The following USP13 variants were observed in gnomAD, a reference collection of about 807,000 sequenced individuals.
USP13 encodes the protein ubiquitin carboxyl-terminal hydrolase 13.
USP13 carries 68 observed loss-of-function variants against 107.8 expected under a neutral mutation model. The observed-to-expected ratio is 0.63, with a 90% CI of 0.52 to 0.77. USP13 has a LOEUF of 0.77. USP13 is among the 30% of genes least tolerant of loss of function. USP13 has a pLI of 0.00. For missense variants in USP13, 945 were observed against 1,093.3 expected, an observed-to-expected ratio of 0.86 and a Z score of 1.91; for synonymous variants, 377 against 389.5, an observed-to-expected ratio of 0.97 and a Z score of 0.38.
At position 179,715,835 on chromosome 3, in the gene USP13, G is replaced by A. The variant is rs557076012; in HGVS notation, c.806-4105G>A. ...AATCTCTCTTCATTTTCTCCTCTCC[G>A]ATTTATTACTTGGTGTTTGACCAGG... On this transcript the variant is annotated intron_variant, in intron 6 of 20. Coordinates refer to ENST00000263966, the MANE Select transcript of USP13 (RefSeq NM_003940.3). 2.0e-5 allele frequency among the ~76,000 whole-genome samples: 3 copies of A among 152,294 alleles called. No homozygotes were observed. The East Asian group carries it at 5.8e-4, about 29-fold the overall frequency.
chr3:179,772,829 G>A (rs747448078), intron 19 of USP13, among the ~76,000 whole-genome samples: 14 of 152,156 alleles, frequency 9.2e-5, no homozygotes, highest in Non-Finnish European at 1.5e-4. Flanking sequence ...AGCTGGCTAG[G>A]GTTGGGGGAA....
rs191271209 is a variant in USP13, at chr3:179,690,369, C to T, written c.355+68C>T. The T allele has an allele frequency of 1.7e-5, 24 of 1,371,692 alleles. No individual in the cohort carries two copies. The African/African-American group carries it at 3.3e-4, about 19-fold the overall frequency. The allele number at this position is 1,371,692 out of a possible 1,614,324, so 85.0% of individuals were successfully genotyped here. ...GTGTGTATATGTGCATACTCATGTG[C>T]ATCTTTGATTTAGAGTAATAGGTTG... On this transcript the variant is annotated intron_variant, in intron 3 of 20. Transcript: ENST00000263966.
At position 179,653,160 on chromosome 3, in the gene USP13, C is replaced by A; in HGVS notation, c.-66C>A. 1.8e-6 allele frequency: 2 copies of A among 1,092,574 alleles called. No homozygotes were observed. Among genetic ancestry groups the A allele is most frequent in the South Asian group, 4.3e-5 (1 of 23,098 alleles). 67.7% of individuals were successfully genotyped at this position (1,092,574 alleles called of 1,614,324 possible). ...CCGTCAGCCCGCTCGCTGGCGCCGC[C>A]GCCGCCGGCAGACCCCGCGCTCCGG... is the stretch of plus-strand genomic sequence containing the variant. On this transcript the variant is annotated 5_prime_UTR_variant, in exon 1 of 21. Coordinates refer to ENST00000263966, the MANE Select transcript of USP13 (RefSeq NM_003940.3). The surrounding 1 kb of genome is among the most constrained non-coding windows in gnomAD (Gnocchi z 4.0).
rs1365095386 is a variant in USP13, at chr3:179,721,036, T to C, written c.901-366T>C. ...GTTGCTCAGGTGGGTCTCGAACTCC[T>C]GACTTCAGGTGATCTGCCCACCTCA... On this transcript the variant is annotated intron_variant, in intron 7 of 20. Transcript: ENST00000263966. The surrounding 1 kb of genome is among the most constrained non-coding windows in gnomAD (Gnocchi z 4.3). 6.6e-6 allele frequency among the ~76,000 whole-genome samples: 1 copy of C among 152,176 alleles called. No individual in the cohort carries two copies. Among genetic ancestry groups the C allele is most frequent in the Non-Finnish European group, 1.5e-5 (1 of 68,034 alleles).
rs1410150425 is a variant in USP13, at chr3:179,785,728, A to C, written c.*1587A>C. On this transcript the variant is annotated 3_prime_UTR_variant, in exon 21 of 21. Coordinates refer to ENST00000263966, the MANE Select transcript of USP13 (RefSeq NM_003940.3). ...TGGGTGTGATGGGGGTCCCTGTCTC[A>C]TAGGTGATCCTTTGGTGCCATGTGA... 1 of 152,240 alleles carries C rather than the reference A, an allele frequency of 6.6e-6. No homozygotes were observed. The highest frequency in any genetic ancestry group is 1.5e-5 in the Non-Finnish European group (1 of 68,084). The allele number at this position is 152,240 out of a possible 1,614,324, so 9.4% of individuals were successfully genotyped here. A position where few individuals can be genotyped will look rare whatever the true frequency, so the allele number is the denominator to read the frequency against.
intron 12 of USP13, among the ~76,000 whole-genome samples, chr3:179,744,243 A>G (rs970900460): frequency 1.3e-5 from 2 of 152,080 alleles, no homozygotes; most frequent in Non-Finnish European, 2.9e-5. Context: ...ACAGGGACCC[A>G]TGTGGGACCC....
chr3:179,685,625 G>C (rs1214912432), intron 2 of USP13, among the ~76,000 whole-genome samples: 2 of 132,096 alleles, frequency 1.5e-5, no homozygotes, highest in African/African-American at 5.6e-5. Context: ...TGAAATTTTA[G>C]AAAACTAAAA....
intron 17 of USP13, 61 bp downstream of exon 17, chr3:179,761,316 C>T (rs1014980330): frequency 1.0e-5 from 16 of 1,589,508 alleles, no homozygotes; most frequent in Non-Finnish European, 1.3e-5. Flanking sequence ...GATGCTGAGT[C>T]CTGGTCCTTC....
intron 1 of USP13, among the ~76,000 whole-genome samples, chr3:179,670,336 G>A (rs1473185651): frequency 6.6e-6 from 1 of 152,108 alleles, no homozygotes; most frequent in East Asian, 1.9e-4. Context: ...CCCTTGCTGG[G>A]TCTCTGATGT....
At chr3:179,672,672 C>G (rs1260295082) in intron 1 of USP13, among the ~76,000 whole-genome samples, 1 of 152,058 alleles carries the variant, frequency 6.6e-6, no homozygotes, top group Admixed American at 6.6e-5. Context: ...GACCTGCCTC[C>G]CAAAGTGATG....
At chr3:179,765,979 T>TG in intron 19 of USP13, 131 bp downstream of exon 19, 2 of 943,964 alleles carry the variant, frequency 2.1e-6, no homozygotes, top group Non-Finnish European at 2.9e-6. Flanking sequence ...TCTTCTTCGT[T>TG]TTTTTTTTTT....
Position 179,709,689 on chromosome 3 carries a change from C to A in USP13, c.805+732C>A, listed in dbSNP as rs1481293285. Reference sequence around the variant, plus strand: ...GAGAAACTTAAATATTGAGCAGTGGCTATGAGAACCCATCATCTAATCATC... The same window carrying A: ...GAGAAACTTAAATATTGAGCAGTGGATATGAGAACCCATCATCTAATCATC... On this transcript the variant is annotated intron_variant, in intron 6 of 20. Transcript: ENST00000263966. 3.6e-3 allele frequency among the ~76,000 whole-genome samples: 545 copies of A among 152,292 alleles called. 3 individuals are homozygous for A. The highest frequency in any genetic ancestry group is 6.2e-3 in the Non-Finnish European group (422 of 68,028).
chr3:179,668,390 T>A (rs1333210500), intron 1 of USP13, among the ~76,000 whole-genome samples: 1 of 152,242 alleles, frequency 6.6e-6, no homozygotes, highest in Non-Finnish European at 1.5e-5. Context: ...CTCCTGGGAT[T>A]ACATGCGTTT....
At chr3:179,699,747 T>A (rs116169421) in intron 3 of USP13, among the ~76,000 whole-genome samples, 4,825 of 137,972 alleles carry the variant, frequency 0.035, 125 homozygotes, top group South Asian at 0.072. Context: ...ATCTTATTTA[T>A]TTTATTTATT....
At chr3:179,750,874 C>G (rs1275852676) in intron 13 of USP13, among the ~76,000 whole-genome samples, 1 of 152,152 alleles carries the variant, frequency 6.6e-6, no homozygotes, top group Non-Finnish European at 1.5e-5. Context: ...TTTCAAGACC[C>G]ACATCCACAT....
At chr3:179,769,266 T>C (rs937508056) in intron 19 of USP13, among the ~76,000 whole-genome samples, 5 of 152,192 alleles carry the variant, frequency 3.3e-5, no homozygotes, top group Admixed American at 2.6e-4. Context: ...TTAACAATAT[T>C]CTATTATAAA....
intron 3 of USP13, among the ~76,000 whole-genome samples, chr3:179,692,031 A>G (rs995800245): frequency 6.6e-6 from 1 of 152,240 alleles, no homozygotes; most frequent in African/African-American, 2.4e-5. Flanking sequence ...ATATGTATAT[A>G]CAGATATAGA....
chr3:179,691,279 T>C (rs1344834929), intron 3 of USP13, among the ~76,000 whole-genome samples: 1 of 152,236 alleles, frequency 6.6e-6, no homozygotes, highest in Non-Finnish European at 1.5e-5. Context: ...CCTTTCTTTG[T>C]TACAAGATAT....
chr3:179,743,218 C>G (rs1714263499), intron 12 of USP13, among the ~76,000 whole-genome samples: 1 of 151,944 alleles, frequency 6.6e-6, no homozygotes, highest in African/African-American at 2.4e-5. Context: ...CATATGGACA[C>G]AGGGAGGGGA....
Sources: gnomAD v4.1 joint callset for allele counts (sites outside exome capture counted in the v4.1 genomes callset) on GRCh38, gnomAD v4.1.1 for gene constraint, Gnocchi (gnomAD v3.1) non-coding constraint, MANE v1.5 for transcripts, NCBI Gene and HGNC (gene_info 2026-07-23, HGNC 2026-07-21) for gene names.